Variants in CES5A observed in about 807,000 individuals in gnomAD.
The protein encoded by CES5A is carboxylesterase 5A, also known as carboxylesterase 5.
CES5A carries 67 observed loss-of-function variants against 62.9 expected under a neutral mutation model. The observed-to-expected ratio is 1.07, with a 90% CI of 0.88 to 1.31. The LOEUF (loss-of-function observed/expected upper bound fraction) is 1.31. CES5A is among the 50% of genes most tolerant of loss of function. The pLI is 0.00. For missense variants in CES5A, 748 were observed against 708.5 expected (o/e 1.06, Z -0.63); for synonymous variants, 296 against 280.8 (o/e 1.05, Z -0.54).
chr16:55,899,817 T>C (rs975108250), intron 1 of CES5A, among the ~76,000 whole-genome samples: 2 of 152,254 alleles, frequency 1.3e-5, no homozygotes, highest in South Asian at 4.2e-4. Context: ...ACAAGCTCAA[T>C]AGTGCTAAGG....
At chr16:55,888,281 G>A (rs889363611) in intron 1 of CES5A, among the ~76,000 whole-genome samples, 20 of 152,004 alleles carry the variant, frequency 1.3e-4, no homozygotes, top group Admixed American at 1.2e-3. Flanking sequence ...CCTCAATTAC[G>A]GGCCATGCAG....
At chr16:55,943,649 TGC>T (rs2034466582) in intron 2 of CES5A, among the ~76,000 whole-genome samples, 2 of 152,264 alleles carry the variant, frequency 1.3e-5, no homozygotes, top group Non-Finnish European at 2.9e-5. Flanking sequence ...TCTTTTCCTT[TGC>T]ATAGCTTTGT....
At chr16:55,938,507 G>C (rs1362153202) in intron 2 of CES5A, among the ~76,000 whole-genome samples, 1 of 151,672 alleles carries the variant, frequency 6.6e-6, no homozygotes, top group Non-Finnish European at 1.5e-5. Context: ...GGAGGCCAAG[G>C]TGGGTGGATC....
In CES5A at chr16:55,871,709, A is replaced by G. The variant is rs777709900; in HGVS notation, c.333T>C (p.His111=). The part of the protein sequence containing the change: ...LLLDQHMLKV[H]YPKFGVSEDC... The stretch of plus-strand genomic sequence containing the variant: ...CTTCTGACACTCCGAATTTCGGGTA[A>G]TGCACCTTGAGCATATGTTGATCTA... The change falls in exon 3 of 13, where the codon CAT becomes CAC. Residue 111 remains histidine (H), a synonymous_variant. Coordinates refer to ENST00000290567, the MANE Select transcript of CES5A (RefSeq NM_001143685.2). The G allele has an allele frequency of 8.1e-5, 131 of 1,614,034 alleles. No homozygotes were observed. Among genetic ancestry groups the G allele is most frequent in the Non-Finnish European group, 8.3e-5 (98 of 1,180,024 alleles).
chr16:55,946,567 C>A (rs1242966953), intron 2 of CES5A, among the ~76,000 whole-genome samples: 1 of 152,190 alleles, frequency 6.6e-6, no homozygotes, highest in African/African-American at 2.4e-5. Flanking sequence ...CTGAAACATA[C>A]CTGAAATTCT....
chr16:55,912,260 G>A (rs2034101216), intron 1 of CES5A, among the ~76,000 whole-genome samples: 1 of 152,238 alleles, frequency 6.6e-6, no homozygotes, highest in Non-Finnish European at 1.5e-5. Flanking sequence ...GTGGCACTGA[G>A]TGCATGCCAG....
intron 7 of CES5A, among the ~76,000 whole-genome samples, chr16:55,860,031 T>G (rs1441289929): frequency 6.6e-6 from 1 of 152,202 alleles, no homozygotes; most frequent in African/African-American, 2.4e-5. Flanking sequence ...CCACATGTTG[T>G]GGCAGGGACC....
chr16:55,878,379 G>A (rs887190116), upstream of CES5A, among the ~76,000 whole-genome samples: 5 of 151,966 alleles, frequency 3.3e-5, no homozygotes, highest in African/African-American at 2.4e-5. Flanking sequence ...AGGTCACCGG[G>A]CAATGCCCCA....
intron 5 of CES5A, among the ~76,000 whole-genome samples, chr16:55,863,664 G>A (rs1303647600): frequency 6.6e-6 from 1 of 152,130 alleles, no homozygotes; most frequent in African/African-American, 2.4e-5. Context: ...CATGGACTTT[G>A]ATGTCAAATG....
intron 10 of CES5A, 30 bp downstream of exon 10, chr16:55,852,851 G>T: frequency 6.3e-7 from 1 of 1,597,188 alleles, no homozygotes. Flanking sequence ...ACTGGGCTAT[G>T]GTCCTGGAGC....
Position 55,856,422 on chromosome 16 carries a change from A to T in CES5A, c.1080T>A (p.Ser360Arg), listed in dbSNP as rs562371224. 1 of 1,614,094 alleles carries T rather than the reference A, an allele frequency of 6.2e-7. No homozygotes were observed. Among genetic ancestry groups the T allele is most frequent in the African/African-American group, 1.3e-5 (1 of 75,034 alleles). The change falls in exon 9 of 13, where the codon AGT (serine) becomes AGA (arginine). Residue 360 changes from serine (S) to arginine (R), a missense_variant. Physicochemically the swap from Ser to Arg is moderately radical, Grantham distance 110. Coordinates refer to ENST00000290567, the MANE Select transcript of CES5A (RefSeq NM_001143685.2). ...GGAGGGCAAGGGACTTGTTGGAGCC[A>T]CTGAGGATCTCAGGAGCCTCCTTCT... ...LPMKEAPEIL[S>R]GSNKSLALHL...
intron 9 of CES5A, among the ~76,000 whole-genome samples, chr16:55,854,532 T>TTTTTGTTTTCTTTC (rs2033196743): frequency 3.4e-5 from 2 of 59,122 alleles, no homozygotes; most frequent in Non-Finnish European, 6.8e-5. Context: ...GTAGTGTTTC[T>TTTTTGTTTTCTTTC]TTTTTTTTTT....
At chr16:55,900,215 GA>G (rs1261356342) in intron 1 of CES5A, among the ~76,000 whole-genome samples, 1 of 152,214 alleles carries the variant, frequency 6.6e-6, no homozygotes, top group Non-Finnish European at 1.5e-5. Flanking sequence ...TGCCCCAGGA[GA>G]AGTTTCCCAG....
rs540866687 is a variant in CES5A at position 55,864,980 on chromosome 16, G to A, written c.705+983C>T. ...CCAGCACTTTGGGAACCCAAGGTGG[G>A]CGGATCACCTGAAGTCGGGAGTTTG... On this transcript the variant is annotated intron_variant, in intron 5 of 12. Transcript: ENST00000290567. Among the ~76,000 whole-genome samples the A allele has an allele frequency of 7.9e-5, 12 of 152,188 alleles. No individual in the cohort carries two copies. In the East Asian group the frequency reaches 2.3e-3, roughly 30 times the overall value.
At position 55,875,341 on chromosome 16, in the gene CES5A, A is replaced by G. The variant is rs879504379; in HGVS notation, c.-120T>C. On this transcript the variant is annotated 5_prime_UTR_variant, in exon 1 of 13. Transcript: ENST00000290567. ...AAATGCTGAATAGGCAGGCAGAGGC[A>G]GCAGAGTTACTGAAGATCAGCATCA... 1 of 1,497,798 alleles carries G rather than the reference A, an allele frequency of 6.7e-7. No individual in the cohort carries two copies. Among genetic ancestry groups the G allele is most frequent in the Admixed American group, 2.5e-5 (1 of 39,976 alleles). The allele number at this position is 1,497,798 out of a possible 1,614,324, so 92.8% of individuals were successfully genotyped here.
Position 55,846,485 on chromosome 16 carries a change from A to G in CES5A, c.1694T>C (p.Leu565Pro). ...SPLSSLTFLSLLQPFFFFCAP is the reference protein window; with the variant it reads ...SPLSSLTFLSPLQPFFFFCAP Reference sequence around the variant, plus strand: ...ACAAAAGAAAAAGAAAGGCTGGAGGAGAGAGAGGAAAGTTAAGGAAGAAAG... The same window carrying G: ...ACAAAAGAAAAAGAAAGGCTGGAGGGGAGAGAGGAAAGTTAAGGAAGAAAG... Residue 565 changes from leucine to proline, a missense_variant, in exon 13 of 13, where the codon CTC becomes CCC. Coordinates refer to ENST00000290567, the MANE Select transcript of CES5A (RefSeq NM_001143685.2). 1 of 1,613,954 alleles carries G rather than the reference A, an allele frequency of 6.2e-7. No individual in the cohort carries two copies. Among genetic ancestry groups the G allele is most frequent in the East Asian group, 2.2e-5 (1 of 44,874 alleles).
chr16:55,946,782 C>G (rs1333580891), intron 2 of CES5A, among the ~76,000 whole-genome samples: 1 of 152,238 alleles, frequency 6.6e-6, no homozygotes, highest in Non-Finnish European at 1.5e-5. Context: ...GCTGATCTCA[C>G]TTGGGCTCAG....
intron 2 of CES5A, chr16:55,944,164 T>C (rs1359618559): frequency 5.9e-5 from 41 of 699,998 alleles, no homozygotes; most frequent in Middle Eastern, 2.3e-4. Context: ...AGAAATTGTA[T>C]TGTGAAGACT....
At chr16:55,949,796 G>C in exon 2 of CES5A, 1 of 1,476,128 alleles carries the variant, frequency 6.8e-7, no homozygotes, top group South Asian at 1.3e-5. Flanking sequence ...CTCATCTTTG[G>C]AAGTGTAGTT....
Sources: gnomAD v4.1 joint callset for allele counts (sites outside exome capture counted in the v4.1 genomes callset) on GRCh38, gnomAD v4.1.1 for gene constraint, MANE v1.5 for transcripts, NCBI Gene and HGNC (gene_info 2026-07-23, HGNC 2026-07-21) for gene names.